Variants in LYST observed in about 807,000 individuals in gnomAD.
LYST encodes the protein lysosomal trafficking regulator, also known as lysosomal-trafficking regulator.
In LYST, 192 loss-of-function variants were observed where a neutral mutation model predicts 413.6. That is an observed-to-expected ratio of 0.46 (90% confidence interval 0.41 to 0.52). LYST has a LOEUF of 0.52. Among genes scored for constraint, LYST ranks in the 20% least tolerant of loss-of-function variants. The pLI, the probability that LYST is intolerant of heterozygous loss-of-function variation, is 0.00. For synonymous variants in LYST, 1,525 were observed against 1,567.3 expected, an observed-to-expected ratio of 0.97 and a Z score of 0.64; for missense variants, 3,815 against 4,499.9, an observed-to-expected ratio of 0.85 and a Z score of 4.35.
intron 43 of LYST, among the ~76,000 whole-genome samples, chr1:235,710,576 C>T (rs533643723): frequency 2.6e-5 from 4 of 152,182 alleles, no homozygotes; most frequent in Non-Finnish European, 5.9e-5. Context: ...ATATGATATA[C>T]GCTGTAAAAA....
chr1:235,749,516 TA>T (rs1002808274), intron 28 of LYST, among the ~76,000 whole-genome samples: 28 of 151,790 alleles, frequency 1.8e-4, no homozygotes, highest in African/African-American at 6.5e-4. Flanking sequence ...GGGGTGAGTA[TA>T]GGGGTGCATG....
At chr1:235,690,166 G>A (rs1163908430) in intron 47 of LYST, among the ~76,000 whole-genome samples, 1 of 152,180 alleles carries the variant, frequency 6.6e-6, no homozygotes, top group Admixed American at 6.5e-5. Flanking sequence ...TCATTGGAAA[G>A]TCAAGATGTT....
chr1:235,761,369 G>C (rs1667570944), intron 22 of LYST, among the ~76,000 whole-genome samples: 1 of 152,234 alleles, frequency 6.6e-6, no homozygotes, highest in Non-Finnish European at 1.5e-5. Context: ...AGTCAGGAAA[G>C]GAAAAGATGT....
Position 235,791,930 on chromosome 1 carries a change from CCT to C in LYST, c.4310_4311del (p.Glu1437GlyfsTer2). The C allele has an allele frequency of 6.2e-7, 1 of 1,614,154 alleles. No homozygotes were observed. The highest frequency in any genetic ancestry group is 1.3e-5 in the African/African-American group (1 of 75,054). On this transcript the variant is annotated frameshift_variant, in exon 12 of 53. Coordinates refer to ENST00000389793, the MANE Select transcript of LYST (RefSeq NM_000081.4). LOFTEE classifies it high-confidence loss of function. ...CGATGGGGAAAACTCTCTCTATCAG[CCT>C]CTTTCTTGCTCCGTGAAACTCGTGC... The part of the protein sequence containing the change: ...RRARVSRSKK[E>X]ADRESFPHRL...
chr1:235,866,831 G>T lies in LYST; in HGVS notation c.-98+12C>A. Reference sequence around the variant, plus strand: ...TCTGCCGGCAGCGTCGGCGCCCGGCGGCCGCCTTTACCTGGTTTGTGGCAG... The same window carrying T: ...TCTGCCGGCAGCGTCGGCGCCCGGCTGCCGCCTTTACCTGGTTTGTGGCAG... On this transcript the variant is annotated intron_variant, in intron 1 of 52. Coordinates refer to ENST00000389793, the MANE Select transcript of LYST (RefSeq NM_000081.4). The T allele has an allele frequency of 6.5e-6, 1 of 152,900 alleles. No homozygotes were observed. The highest frequency in any genetic ancestry group is 1.8e-4 in the South Asian group (1 of 5,574). 9.5% of individuals were successfully genotyped at this position (152,900 alleles called of 1,614,324 possible).
At chr1:235,690,230 T>C (rs534407598) in intron 47 of LYST, among the ~76,000 whole-genome samples, 2 of 152,366 alleles carry the variant, frequency 1.3e-5, no homozygotes, top group East Asian at 3.9e-4. Flanking sequence ...CATAAATTTG[T>C]GTCAGTGTAT....
At chr1:235,764,312 C>T (rs942320429) in intron 21 of LYST, among the ~76,000 whole-genome samples, 4 of 152,008 alleles carry the variant, frequency 2.6e-5, no homozygotes, top group South Asian at 2.1e-4. Context: ...AGGCTGTAAA[C>T]GTCTTAAGAG....
At chr1:235,698,787 G>A (rs1661312015) in intron 45 of LYST, among the ~76,000 whole-genome samples, 1 of 152,010 alleles carries the variant, frequency 6.6e-6, no homozygotes, top group Non-Finnish European at 1.5e-5. Flanking sequence ...GCAGGAGAAT[G>A]GCATGAACCT....
At chr1:235,814,604 G>A (rs973585632) in intron 3 of LYST, among the ~76,000 whole-genome samples, 2 of 152,158 alleles carry the variant, frequency 1.3e-5, no homozygotes, top group African/African-American at 2.4e-5. Context: ...TGTGTGACAT[G>A]ATGGCCGAAA....
chr1:235,710,603 A>C (rs1399603123), intron 43 of LYST, among the ~76,000 whole-genome samples: 1 of 152,206 alleles, frequency 6.6e-6, no homozygotes, highest in Non-Finnish European at 1.5e-5. Flanking sequence ...TTTTCCAAAA[A>C]TGGCTATAAC....
intron 39 of LYST, 152 bp downstream of exon 39, chr1:235,723,876 C>T: frequency 1.5e-6 from 1 of 672,344 alleles, no homozygotes; most frequent in East Asian, 2.7e-5. Context: ...CAAAGACAAT[C>T]CTCATATAAC....
chr1:235,693,629 G>C, intron 46 of LYST, 143 bp from the exon 47 acceptor site: 6 of 860,432 alleles, frequency 7.0e-6, no homozygotes, highest in Non-Finnish European at 1.1e-5. Context: ...CTCTAAAATG[G>C]AACAATTTTT....
chr1:235,783,084 T>C (rs936856191), intron 14 of LYST, among the ~76,000 whole-genome samples: 1 of 152,176 alleles, frequency 6.6e-6, no homozygotes, highest in African/African-American at 2.4e-5. Flanking sequence ...TTAGGAATGT[T>C]TTAAACTCCA....
chr1:235,812,070 G>A (rs1287662798), intron 4 of LYST, among the ~76,000 whole-genome samples: 2 of 151,678 alleles, frequency 1.3e-5, no homozygotes, highest in East Asian at 3.9e-4. Flanking sequence ...AGGGTCAAGA[G>A]GAAAACTATT....
chr1:235,814,190 G>C (rs1370908650), intron 3 of LYST, among the ~76,000 whole-genome samples: 3 of 152,096 alleles, frequency 2.0e-5, no homozygotes, highest in Non-Finnish European at 2.9e-5. Context: ...ATTTACAAGT[G>C]GTATTAGGTT....
intron 31 of LYST, among the ~76,000 whole-genome samples, chr1:235,739,317 T>G (rs188341754): frequency 3.9e-5 from 6 of 152,330 alleles, no homozygotes; most frequent in Non-Finnish European, 8.8e-5. Flanking sequence ...CATGCTGCAG[T>G]TGGCCCTTGA....
chr1:235,771,310 C>T (rs181608200), intron 19 of LYST, among the ~76,000 whole-genome samples: 8 of 152,250 alleles, frequency 5.3e-5, no homozygotes, highest in African/African-American at 9.6e-5. Context: ...TAATTAATTA[C>T]GTAAGAAAAT....
At chr1:235,762,971 A>G (rs893263137) in intron 21 of LYST, 120 bp from the exon 22 acceptor site, 14 of 746,262 alleles carry the variant, frequency 1.9e-5, no homozygotes, top group Non-Finnish European at 2.8e-5. Context: ...AGAGAAAAAT[A>G]TATAGCATAC....
In LYST at chr1:235,700,157, A is replaced by G. The variant is rs138351589; in HGVS notation, c.10374+2590T>C. Among the ~76,000 whole-genome samples the G allele has an allele frequency of 4.2e-3, 637 of 152,340 alleles. 4 individuals carry two copies. Among genetic ancestry groups the G allele is most frequent in the Middle Eastern group, 0.017 (5 of 294 alleles). On this transcript the variant is annotated intron_variant, in intron 45 of 52. Coordinates refer to ENST00000389793, the MANE Select transcript of LYST (RefSeq NM_000081.4). The stretch of plus-strand genomic sequence containing the variant: ...CTTAGAAGAAAATCTAGGCAATACC[A>G]TTCAGGACATAGGCACGGGCAAAGA...
Sources: allele counts gnomAD v4.1 joint callset (sites outside exome capture counted in the v4.1 genomes callset), GRCh38; gene constraint gnomAD v4.1.1; transcripts MANE v1.5; gene names NCBI Gene and HGNC (gene_info 2026-07-23, HGNC 2026-07-21).